SAXO4: variants seen among roughly 807,000 people sequenced by gnomAD.
SAXO4 encodes stabilizer of axonemal microtubules 4, also known as protein phosphatase 1 regulatory subunit 32.
the SAXO4 span, among the ~76,000 whole-genome samples, chr11:61,487,891 G>A: frequency 6.6e-6 from 1 of 152,236 alleles, no homozygotes. Context: ...TTCCAGGAAG[G>A]AGGTGGCCCC....
At chr11:61,490,267 T>C in the SAXO4 span, among the ~76,000 whole-genome samples, 2 of 152,142 alleles carry the variant, frequency 1.3e-5, no homozygotes. Flanking sequence ...GATCCAGAGA[T>C]GAATGGACTG....
chr11:61,485,780 C>T, the SAXO4 span: 2 of 1,604,476 alleles, frequency 1.2e-6, no homozygotes, highest in African/African-American at 2.7e-5. Flanking sequence ...TGGCAGCACA[C>T]AGGGCATTTC....
chr11:61,490,089 T>A, the SAXO4 span: 2 of 820,690 alleles, frequency 2.4e-6, no homozygotes, highest in Non-Finnish European at 3.7e-6. Flanking sequence ...CTGGTGTCCC[T>A]TCTCCTGCTA....
chr11:61,483,359 G>A, the SAXO4 span, among the ~76,000 whole-genome samples: 1 of 151,650 alleles, frequency 6.6e-6, no homozygotes, highest in Non-Finnish European at 1.5e-5. Context: ...GTACAGACAG[G>A]GTTTCACCGT....
the SAXO4 span, chr11:61,484,587 G>A: frequency 6.8e-7 from 1 of 1,464,536 alleles, no homozygotes; most frequent in Non-Finnish European, 9.2e-7. Flanking sequence ...ACCCCCTCTG[G>A]CTGCTCTGCA....
chr11:61,482,240 C>A, the SAXO4 span: 1 of 1,403,918 alleles, frequency 7.1e-7, no homozygotes, highest in Non-Finnish European at 1.0e-6. Context: ...CCTCGGAGGA[C>A]GCTGGCCCTG....
the SAXO4 span, chr11:61,485,851 A>G: frequency 6.2e-7 from 1 of 1,613,944 alleles, no homozygotes; most frequent in Non-Finnish European, 8.5e-7. Context: ...GCTTCACCAA[A>G]CAGTCCCACC....
the SAXO4 span, among the ~76,000 whole-genome samples, chr11:61,481,406 C>T: frequency 2.5e-3 from 375 of 152,248 alleles, 1 homozygote; most frequent in Non-Finnish European, 4.3e-3. Flanking sequence ...GTTGTCGGCT[C>T]ATTCATTCCG....
chr11:61,490,653 C>A, the SAXO4 span: 2 of 1,380,638 alleles, frequency 1.4e-6, no homozygotes, highest in Non-Finnish European at 2.1e-6. Flanking sequence ...GCCAGCCCTG[C>A]CTCTCAAGCC....
At chr11:61,489,842 GC>G in the SAXO4 span, 2 of 1,613,970 alleles carry the variant, frequency 1.2e-6, no homozygotes, top group East Asian at 2.2e-5. Context: ...GTGGCATCCA[GC>G]CCCAGATGCC....
chr11:61,482,060 G>A, the SAXO4 span: 1 of 695,116 alleles, frequency 1.4e-6, no homozygotes, highest in Non-Finnish European at 2.4e-6. Context: ...CTGCCCGGCT[G>A]CTCCCTTCTC....
At chr11:61,490,550 C>T in the SAXO4 span, 61 of 1,613,998 alleles carry the variant, frequency 3.8e-5, no homozygotes, top group East Asian at 2.0e-4. Flanking sequence ...TCACAGCAGC[C>T]GCTGCGTGGC....
At chr11:61,486,756 G>A in the SAXO4 span, 2 of 922,170 alleles carry the variant, frequency 2.2e-6, no homozygotes, top group African/African-American at 3.3e-5. Flanking sequence ...AGGGTGAAGA[G>A]AGCCTGGGCC....
At chr11:61,485,357 C>T in the SAXO4 span, 140 of 1,614,034 alleles carry the variant, frequency 8.7e-5, no homozygotes, top group South Asian at 7.4e-4. Context: ...TTCATGACGT[C>T]GGAGTACAAT....
At chr11:61,484,639 G>A in the SAXO4 span, 3 of 1,604,748 alleles carry the variant, frequency 1.9e-6, no homozygotes, top group South Asian at 3.4e-5. Flanking sequence ...AGCAGAGTCA[G>A]GGAGTGACTG....
At chr11:61,483,164 CTTTTTTTTTTTTT>C in the SAXO4 span, among the ~76,000 whole-genome samples, 1 of 119,350 alleles carries the variant, frequency 8.4e-6, no homozygotes, top group Admixed American at 9.5e-5. Context: ...ATTTCTTTTT[CTTTTTTTTTTTTT>C]TTTTTTTGAG....
the SAXO4 span, among the ~76,000 whole-genome samples, chr11:61,485,603 A>G: frequency 6.6e-6 from 1 of 152,106 alleles, no homozygotes; most frequent in African/African-American, 2.4e-5. Flanking sequence ...TGGCCGGTGC[A>G]TGCCCTTCCT....
chr11:61,485,798 G>T, the SAXO4 span: 5 of 1,613,040 alleles, frequency 3.1e-6, no homozygotes, highest in Non-Finnish European at 3.4e-6. Flanking sequence ...TTCTTTTGCA[G>T]ATTTCTTGCA....
At chr11:61,485,807 C>A in the SAXO4 span, 1 of 1,613,266 alleles carries the variant, frequency 6.2e-7, no homozygotes, top group African/African-American at 1.3e-5. Context: ...AGATTTCTTG[C>A]AGAAGAAATC....
Sources: gnomAD v4.1 joint callset for allele counts (sites outside exome capture counted in the v4.1 genomes callset) on GRCh38, gnomAD v4.1.1 for gene constraint, MANE v1.5 for transcripts, NCBI Gene and HGNC (gene_info 2026-07-23, HGNC 2026-07-21) for gene names.